The following PCDH11X variants were observed in gnomAD, a reference collection of about 807,000 sequenced individuals.
PCDH11X encodes protocadherin 11 X-linked, also known as protocadherin-11 X-linked.
PCDH11X carries 18 observed loss-of-function variants against 53.3 expected under a neutral mutation model. The ratio of observed to expected loss-of-function variants is 0.34; its 90% CI spans 0.23 to 0.50. PCDH11X has a LOEUF of 0.50. Ranked by LOEUF, PCDH11X falls within the 20% of genes least tolerant of loss-of-function variation. PCDH11X has a pLI of 0.98. For synonymous variants in PCDH11X, 279 were observed against 393.3 expected, an observed-to-expected ratio of 0.71 and a Z score of 3.44; for missense variants, 570 against 1,032.4, an observed-to-expected ratio of 0.55 and a Z score of 6.14.
At chrX:91,983,290 T>G in intron 6 of PCDH11X, 1 of 920,098 alleles carries the variant, frequency 1.1e-6, no homozygotes, top group Non-Finnish European at 1.6e-6. Context: ...TCTATTTCTC[T>G]GTAAACGTCA....
chrX:92,422,054 T>C (rs1415148715), intron 9 of PCDH11X, among the ~76,000 whole-genome samples: 1 of 110,561 alleles, frequency 9.0e-6, no homozygotes, highest in Non-Finnish European at 1.9e-5. Flanking sequence ...AGAAATAGAA[T>C]GTCTACTTAT....
intron 6 of PCDH11X, among the ~76,000 whole-genome samples, chrX:92,148,065 T>TCCCTTC (rs1569389080): frequency 2.8e-4 from 2 of 7,064 alleles, no homozygotes; most frequent in African/African-American, 1.2e-3. Context: ...TTCCTTTCTT[T>TCCCTTC]CTTTCTTTCT....
At chrX:92,039,735 G>A in intron 6 of PCDH11X, among the ~76,000 whole-genome samples, 1 of 111,766 alleles carries the variant, frequency 8.9e-6, no homozygotes, top group Non-Finnish European at 1.9e-5. Context: ...TACCTAAGGT[G>A]TAAGAAAAGT....
chrX:92,321,240 T>C (rs1407336240), intron 8 of PCDH11X, among the ~76,000 whole-genome samples: 1 of 100,444 alleles, frequency 1.0e-5, no homozygotes, highest in East Asian at 3.6e-4. Context: ...TCGCCCAGGC[T>C]GGAGTGCAGT....
At chrX:91,882,900 G>C (rs753447924) in intron 6 of PCDH11X, 1 of 1,185,711 alleles carries the variant, frequency 8.4e-7, no homozygotes, top group South Asian at 1.8e-5. Context: ...TATTTTTCTT[G>C]TCCTAGACTG....
intron 5 of PCDH11X, among the ~76,000 whole-genome samples, chrX:91,857,188 G>A (rs926674460): frequency 6.3e-5 from 7 of 111,273 alleles, no homozygotes; most frequent in South Asian, 3.8e-4. Flanking sequence ...GAGAGAGCGT[G>A]TGCAGGGGAG....
intron 8 of PCDH11X, among the ~76,000 whole-genome samples, chrX:92,284,252 A>C (rs1366126369): frequency 9.1e-6 from 1 of 110,232 alleles, no homozygotes; most frequent in Non-Finnish European, 1.9e-5. Context: ...GTTAATCACT[A>C]TAATGGTTCA....
At chrX:92,570,882 C>T (rs754089307) in intron 10 of PCDH11X, among the ~76,000 whole-genome samples, 30 of 108,648 alleles carry the variant, frequency 2.8e-4, no homozygotes, top group African/African-American at 8.4e-4. Flanking sequence ...GACATAGAAA[C>T]GGTATTATGG....
chrX:92,204,118 C>T (rs912630945), intron 7 of PCDH11X, among the ~76,000 whole-genome samples: 1 of 111,493 alleles, frequency 9.0e-6, no homozygotes, highest in Non-Finnish European at 1.9e-5. Flanking sequence ...ATCATTTTTC[C>T]CTCCTAGGTC....
intron 6 of PCDH11X, among the ~76,000 whole-genome samples, chrX:92,035,250 G>A: frequency 9.0e-6 from 1 of 111,553 alleles, no homozygotes; most frequent in Non-Finnish European, 1.9e-5. Context: ...ACCTTGGGAT[G>A]ATTTCTTCCT....
At chrX:91,829,647 A>G (rs935263622) in intron 4 of PCDH11X, among the ~76,000 whole-genome samples, 3 of 110,933 alleles carry the variant, frequency 2.7e-5, no homozygotes, top group African/African-American at 9.8e-5. Flanking sequence ...TCTTTTGCAA[A>G]CACTTTTCCT....
chrX:92,148,096 TTCTTTCTTTC>T (rs2065343296), intron 6 of PCDH11X, among the ~76,000 whole-genome samples: 1 of 23,003 alleles, frequency 4.3e-5, no homozygotes, highest in East Asian at 1.6e-3. Context: ...CTTTCTTTCT[TTCTTTCTTTC>T]TTTCTTTCTT....
At chrX:91,882,742 G>C (rs1046662146) in intron 6 of PCDH11X, among the ~76,000 whole-genome samples, 1 of 111,504 alleles carries the variant, frequency 9.0e-6, no homozygotes, top group Non-Finnish European at 1.9e-5. Context: ...TGCAGTCTGA[G>C]TTAGCTTGGA....
At chrX:92,420,075 TC>T (rs1276297832) in intron 9 of PCDH11X, among the ~76,000 whole-genome samples, 1 of 111,475 alleles carries the variant, frequency 9.0e-6, no homozygotes, top group Non-Finnish European at 1.9e-5. Flanking sequence ...CTGTATTATT[TC>T]TTAGTGCTTG....
chrX:92,345,240 G>A (rs944507720), intron 8 of PCDH11X, among the ~76,000 whole-genome samples: 1 of 110,624 alleles, frequency 9.0e-6, no homozygotes, highest in African/African-American at 3.3e-5. Flanking sequence ...AATTTGGTAC[G>A]TATTTTTTTA....
At chrX:91,780,017 G>A (rs1431463625) in intron 1 of PCDH11X, among the ~76,000 whole-genome samples, 2 of 112,048 alleles carry the variant, frequency 1.8e-5, no homozygotes, top group African/African-American at 6.5e-5. Flanking sequence ...CCCTTTAATG[G>A]GTACAGCCAG....
intron 6 of PCDH11X, among the ~76,000 whole-genome samples, chrX:92,133,764 C>T (rs931442132): frequency 8.9e-6 from 1 of 112,334 alleles, no homozygotes; most frequent in Admixed American, 9.5e-5. Context: ...AAGAGGGAAA[C>T]AATACACATG....
At chrX:92,370,460 C>CT (rs576718286) in intron 8 of PCDH11X, among the ~76,000 whole-genome samples, 13,077 of 80,191 alleles carry the variant, frequency 0.16, 1,749 homozygotes, top group East Asian at 0.71. Flanking sequence ...GTTCTTTTTT[C>CT]TTTTTTTTTT....
intron 6 of PCDH11X, among the ~76,000 whole-genome samples, chrX:92,084,028 C>T (rs1018373875): frequency 9.1e-6 from 1 of 109,662 alleles, no homozygotes; most frequent in African/African-American, 3.3e-5. Context: ...GCAGAGGTTG[C>T]AGCAGTGAGC....
Sources: allele counts gnomAD v4.1 joint callset (sites outside exome capture counted in the v4.1 genomes callset), GRCh38; gene constraint gnomAD v4.1.1; transcripts MANE v1.5; gene names NCBI Gene and HGNC (gene_info 2026-07-23, HGNC 2026-07-21).